The following VEZT variants were observed in gnomAD, a reference collection of about 807,000 sequenced individuals.
VEZT encodes vezatin.
In VEZT, 39 loss-of-function variants were observed where a neutral mutation model predicts 79.9. The ratio of observed to expected loss-of-function variants is 0.49; its 90% CI spans 0.38 to 0.64. The LOEUF is 0.64. VEZT is among the 30% of genes least tolerant of loss of function. The pLI, the probability that VEZT is intolerant of heterozygous loss-of-function variation, is 0.00. For missense variants in VEZT, 837 were observed against 893.1 expected, an observed-to-expected ratio of 0.94 and a Z score of 0.80; for synonymous variants, 325 against 327.6, an observed-to-expected ratio of 0.99 and a Z score of 0.09.
chr12:95,226,048 T>C (rs1489087815), intron 1 of VEZT, among the ~76,000 whole-genome samples: 2 of 150,468 alleles, frequency 1.3e-5, no homozygotes, highest in Non-Finnish European at 2.9e-5. Flanking sequence ...TGAGCTTTGA[T>C]GAGGCCACTG....
chr12:95,282,600 A>G lies in VEZT; in HGVS notation c.1284A>G (p.Thr428=). ...CAAGAGAACTGAATAATGTTCACACAGCAGTGCGTAGCTTGCAGCTCCATC... is the reference window on the plus strand; with the variant it reads ...CAAGAGAACTGAATAATGTTCACACGGCAGTGCGTAGCTTGCAGCTCCATC... ...QKSRELNNVH[T]AVRSLQLHLK... The change falls in exon 8 of 12, where the codon ACA becomes ACG. Residue 428 remains threonine (T), a synonymous_variant. Transcript: ENST00000436874. 2 of 1,611,318 alleles carry G rather than the reference A, an allele frequency of 1.2e-6. No individual in the cohort carries two copies. Among genetic ancestry groups the G allele is most frequent in the Non-Finnish European group, 1.7e-6 (2 of 1,177,800 alleles).
At chr12:95,265,267 T>G (rs1383199907) in intron 4 of VEZT, among the ~76,000 whole-genome samples, 3 of 152,080 alleles carry the variant, frequency 2.0e-5, no homozygotes, top group Admixed American at 6.6e-5. Context: ...TGTGTACATA[T>G]TTTTGTTTCA....
intron 1 of VEZT, among the ~76,000 whole-genome samples, chr12:95,240,073 G>GAAGGAAAGA (rs1491323550): frequency 0.036 from 3,610 of 98,966 alleles, 119 homozygotes; most frequent in East Asian, 0.072. Context: ...AGGAAGGAAG[G>GAAGGAAAGA]AAGAAAAGAA....
chr12:95,234,103 C>G (rs1437756488), intron 1 of VEZT, among the ~76,000 whole-genome samples: 3 of 152,150 alleles, frequency 2.0e-5, no homozygotes, highest in Non-Finnish European at 4.4e-5. Context: ...TGCATTTCTT[C>G]AAAGGTGAAG....
At chr12:95,222,354 T>C (rs1021275080) in intron 1 of VEZT, among the ~76,000 whole-genome samples, 10 of 152,332 alleles carry the variant, frequency 6.6e-5, no homozygotes, top group Middle Eastern at 3.4e-3. Flanking sequence ...CATTTTTTTT[T>C]CCCCGTATGG....
Position 95,262,991 on chromosome 12 carries a change from T to G in VEZT, c.344T>G (p.Leu115Arg). 1 of 1,613,742 alleles carries G rather than the reference T, an allele frequency of 6.2e-7. No homozygotes were observed. Among genetic ancestry groups the G allele is most frequent in the South Asian group, 1.1e-5 (1 of 91,064 alleles). ...GAGGATGTGGAGCTGATTGAGCTAC[T>G]TGATCCCAGTATCCTGTCTGCAGGG... ...LQEDVELIELLDPSILSAGQS... is the reference protein window; with the variant it reads ...LQEDVELIELRDPSILSAGQS... Residue 115 changes from leucine to arginine, a missense_variant, in exon 4 of 12, where the codon CTT becomes CGT. Physicochemically the swap from Leu to Arg is moderately radical, Grantham distance 102. Coordinates refer to ENST00000436874, the MANE Select transcript of VEZT (RefSeq NM_017599.4).
chr12:95,265,581 A>G (rs1004734425), intron 4 of VEZT, among the ~76,000 whole-genome samples: 2 of 151,618 alleles, frequency 1.3e-5, no homozygotes, highest in Admixed American at 6.6e-5. Flanking sequence ...AGGATTCCAT[A>G]TATTTTTTAT....
chr12:95,264,602 A>G (rs1231335440), intron 4 of VEZT, among the ~76,000 whole-genome samples: 1 of 151,748 alleles, frequency 6.6e-6, no homozygotes, highest in Non-Finnish European at 1.5e-5. Flanking sequence ...ATACCTGGCT[A>G]ATTTTTGTAT....
At chr12:95,259,335 A>G (rs1313607312) in intron 3 of VEZT, among the ~76,000 whole-genome samples, 1 of 151,982 alleles carries the variant, frequency 6.6e-6, no homozygotes, top group Non-Finnish European at 1.5e-5. Flanking sequence ...AAGTTTTTGT[A>G]TTGTAATATA....
chr12:95,224,214 A>T (rs2058069345), intron 1 of VEZT: 1 of 455,880 alleles, frequency 2.2e-6, no homozygotes. Context: ...AGATCAGAGG[A>T]TGGAGGAAAG....
At chr12:95,219,369 T>C (rs1592923017) in intron 1 of VEZT, among the ~76,000 whole-genome samples, 1 of 152,218 alleles carries the variant, frequency 6.6e-6, no homozygotes, top group South Asian at 2.1e-4. Context: ...TGTGTTCTTA[T>C]AGACTTTATT....
At chr12:95,239,249 C>T (rs944784913) in intron 1 of VEZT, among the ~76,000 whole-genome samples, 3 of 152,166 alleles carry the variant, frequency 2.0e-5, no homozygotes, top group African/African-American at 7.2e-5. Flanking sequence ...TGAGGTTGAG[C>T]AGTTGAGCTT....
chr12:95,264,200 T>G (rs2065075821), intron 4 of VEZT, among the ~76,000 whole-genome samples: 1 of 151,336 alleles, frequency 6.6e-6, no homozygotes, highest in Non-Finnish European at 1.5e-5. Context: ...GAAGTAAAGC[T>G]TCTTATCCTT....
chr12:95,262,114 C>T (rs1378903028), intron 3 of VEZT, among the ~76,000 whole-genome samples: 1 of 152,238 alleles, frequency 6.6e-6, no homozygotes, highest in Non-Finnish European at 1.5e-5. Flanking sequence ...GCTCAGGCTT[C>T]ACCTCTTTTA....
At chr12:95,270,412 GA>G (rs2066366417) in intron 6 of VEZT, among the ~76,000 whole-genome samples, 2 of 152,110 alleles carry the variant, frequency 1.3e-5, no homozygotes, top group South Asian at 2.1e-4. Flanking sequence ...TTTAAACAAG[GA>G]AAAAACTTGA....
chr12:95,225,202 C>A (rs557563873), intron 1 of VEZT, among the ~76,000 whole-genome samples: 1 of 152,148 alleles, frequency 6.6e-6, no homozygotes, highest in Admixed American at 6.5e-5. Flanking sequence ...AGATTATCAT[C>A]GGAAGGCCTA....
At chr12:95,293,171 G>C (rs2073372386) in intron 9 of VEZT, among the ~76,000 whole-genome samples, 1 of 152,114 alleles carries the variant, frequency 6.6e-6, no homozygotes, top group Non-Finnish European at 1.5e-5. Context: ...ATTTAAACTA[G>C]AAAGCAGCAA....
At chr12:95,292,359 T>G (rs1414371813) in intron 9 of VEZT, among the ~76,000 whole-genome samples, 2 of 152,060 alleles carry the variant, frequency 1.3e-5, no homozygotes, top group Non-Finnish European at 2.9e-5. Flanking sequence ...TTTATTTGGT[T>G]TTTTTTCTTT....
chr12:95,270,006 C>G, intron 5 of VEZT, 45 bp from the exon 6 acceptor site: 1 of 1,586,326 alleles, frequency 6.3e-7, no homozygotes, highest in Non-Finnish European at 8.6e-7. Flanking sequence ...CTTTAGGACA[C>G]CTGTACAGTT....
Sources: gnomAD v4.1 joint callset for allele counts (sites outside exome capture counted in the v4.1 genomes callset) on GRCh38, gnomAD v4.1.1 for gene constraint, MANE v1.5 for transcripts, NCBI Gene and HGNC (gene_info 2026-07-23, HGNC 2026-07-21) for gene names.